Variants in PHLDB2 observed in about 807,000 individuals in gnomAD.
PHLDB2 encodes pleckstrin homology like domain family B member 2, also known as pleckstrin homology-like domain family B member 2.
In PHLDB2, 71 loss-of-function variants were observed where a neutral mutation model predicts 123.6. The ratio of observed to expected loss-of-function variants is 0.57; its 90% CI spans 0.47 to 0.70. The LOEUF (loss-of-function observed/expected upper bound fraction) is 0.70. PHLDB2 is among the 30% of genes least tolerant of loss of function. The pLI is 0.00. For synonymous variants in PHLDB2, 547 were observed against 541.6 expected (o/e 1.01, Z -0.14); for missense variants, 1,446 against 1,519.5 (o/e 0.95, Z 0.80).
At chr3:111,888,118 T>G (rs1386393673) in intron 2 of PHLDB2, among the ~76,000 whole-genome samples, 1 of 152,086 alleles carries the variant, frequency 6.6e-6, no homozygotes, top group African/African-American at 2.4e-5. Flanking sequence ...TCAGGGTCTT[T>G]GTGTAAAGTA....
chr3:111,931,055 T>A lies in PHLDB2; in HGVS notation c.2002-1214T>A, dbSNP rs185608566. On this transcript the variant is annotated intron_variant, in intron 5 of 17. Coordinates refer to ENST00000431670, the MANE Select transcript of PHLDB2 (RefSeq NM_001134438.2). ...GGAAATCATGGCCATTTTGATAAAA[T>A]GTAGTAAGGATAATGTCATAGGACT... is the stretch of plus-strand genomic sequence containing the variant. Among the ~76,000 whole-genome samples the A allele has an allele frequency of 2.0e-3, 305 of 152,292 alleles. 3 individuals are homozygous for A. The highest frequency in any genetic ancestry group is 6.4e-3 in the African/African-American group (267 of 41,550).
chr3:111,757,136 C>T (rs1431075430), intron 1 of PHLDB2, among the ~76,000 whole-genome samples: 1 of 152,120 alleles, frequency 6.6e-6, no homozygotes, highest in African/African-American at 2.4e-5. Context: ...CTTGGAGTTG[C>T]TCTTCTCGAG....
intron 2 of PHLDB2, among the ~76,000 whole-genome samples, chr3:111,907,539 C>A (rs775391253): frequency 6.6e-6 from 1 of 152,048 alleles, no homozygotes; most frequent in Non-Finnish European, 1.5e-5. Flanking sequence ...CTTTGTTGCC[C>A]AAGTTGGAGT....
intron 1 of PHLDB2, among the ~76,000 whole-genome samples, chr3:111,867,612 A>G (rs925971052): frequency 5.3e-5 from 8 of 152,212 alleles, no homozygotes; most frequent in African/African-American, 1.9e-4. Flanking sequence ...TTTTTAAGAT[A>G]TATCATCATC....
chr3:111,876,689 T>C (rs982672618), intron 1 of PHLDB2, among the ~76,000 whole-genome samples: 1 of 152,088 alleles, frequency 6.6e-6, no homozygotes, highest in Non-Finnish European at 1.5e-5. Flanking sequence ...TCATCTACAT[T>C]AAGTATTTCT....
intron 1 of PHLDB2, among the ~76,000 whole-genome samples, chr3:111,788,447 A>G (rs891347825): frequency 6.6e-6 from 1 of 152,220 alleles, no homozygotes; most frequent in African/African-American, 2.4e-5. Context: ...AGGAGAAAGC[A>G]TGTGTCAATA....
chr3:111,891,353 C>G (rs927394683), intron 2 of PHLDB2, among the ~76,000 whole-genome samples: 1 of 152,084 alleles, frequency 6.6e-6, no homozygotes, highest in Non-Finnish European at 1.5e-5. Context: ...CAACTCCTGT[C>G]AGATCAGTGG....
At chr3:111,790,041 C>G (rs1394594894) in intron 1 of PHLDB2, among the ~76,000 whole-genome samples, 1 of 152,186 alleles carries the variant, frequency 6.6e-6, no homozygotes, top group Admixed American at 6.5e-5. Context: ...AGGAGCCTGA[C>G]TGGGGGCAGG....
At chr3:111,946,401 CAAAA>C (rs1008999976) in intron 9 of PHLDB2, among the ~76,000 whole-genome samples, 2 of 151,598 alleles carry the variant, frequency 1.3e-5, no homozygotes, top group African/African-American at 4.8e-5. Context: ...TTTGCACAAT[CAAAA>C]AAAACCCTTT....
At chr3:111,870,919 CCAAG>C (rs2065307488) in intron 1 of PHLDB2, among the ~76,000 whole-genome samples, 3 of 152,198 alleles carry the variant, frequency 2.0e-5, no homozygotes, top group African/African-American at 7.2e-5. Context: ...AATGCGGACT[CCAAG>C]TCAGCGTCTC....
intron 1 of PHLDB2, among the ~76,000 whole-genome samples, chr3:111,871,694 G>A (rs1435725411): frequency 6.6e-6 from 1 of 151,994 alleles, no homozygotes; most frequent in Admixed American, 6.6e-5. Context: ...TTGTTTCTTC[G>A]GTGTGTTTTC....
At chr3:111,857,453 A>G (rs1315342483), upstream of PHLDB2, among the ~76,000 whole-genome samples, 1 of 68,100 alleles carries the variant, frequency 1.5e-5, no homozygotes, top group African/African-American at 3.6e-5. Flanking sequence ...CCTGTCTCAA[A>G]AAAAAAAAAA....
chr3:111,935,507 A>ATAGC (rs902788108), intron 6 of PHLDB2, among the ~76,000 whole-genome samples: 1 of 119,042 alleles, frequency 8.4e-6, no homozygotes, highest in Non-Finnish European at 2.1e-5. Context: ...TATAAGATAG[A>ATAGC]TAGATAGATA....
intron 1 of PHLDB2, among the ~76,000 whole-genome samples, chr3:111,862,963 G>A (rs1164734025): frequency 6.6e-6 from 1 of 152,116 alleles, no homozygotes; most frequent in East Asian, 1.9e-4. Flanking sequence ...GTACAACCCA[G>A]GAGTTAAAAA....
intron 1 of PHLDB2, among the ~76,000 whole-genome samples, chr3:111,826,585 C>T (rs551773649): frequency 7.9e-5 from 12 of 152,182 alleles, no homozygotes; most frequent in Admixed American, 1.3e-4. Context: ...TTGAACCCTA[C>T]ATTTTCTATC....
At chr3:111,753,032 T>A (rs1456325354) in intron 1 of PHLDB2, among the ~76,000 whole-genome samples, 3 of 152,244 alleles carry the variant, frequency 2.0e-5, no homozygotes, top group Admixed American at 1.3e-4. Context: ...CCAAGTTTTC[T>A]TAATCCACTC....
chr3:111,972,266 G>T (rs1412565428), intron 16 of PHLDB2, among the ~76,000 whole-genome samples: 2 of 152,012 alleles, frequency 1.3e-5, no homozygotes, highest in African/African-American at 2.4e-5. Flanking sequence ...AAACTTAACT[G>T]AACATGGTAT....
chr3:111,780,762 C>T lies in PHLDB2; in HGVS notation c.-49+48059C>T, dbSNP rs188546920. ...TATGGCAGACTTGCAGCTTTGATGT[C>T]CCCGTGGATAGACCCAAATGCATCA... On this transcript the variant is annotated intron_variant, in intron 1 of 17. Transcript: ENST00000393923. Among the ~76,000 whole-genome samples the T allele has an allele frequency of 5.1e-3, 781 of 152,094 alleles. 5 individuals are homozygous for T. The highest frequency in any genetic ancestry group is 0.01 in the Middle Eastern group (3 of 294).
At position 111,814,468 on chromosome 3, in the gene PHLDB2, G is replaced by A. The variant is rs2061981209; in HGVS notation, c.-48-31353G>A. On this transcript the variant is annotated intron_variant, in intron 1 of 17. Transcript: ENST00000393923. Reference sequence around the variant, plus strand: ...ATTGTGAGACTTTGTGATCATGTAAGTTAATACTTAATAAACTCTCCTTTA... The same window carrying A: ...ATTGTGAGACTTTGTGATCATGTAAATTAATACTTAATAAACTCTCCTTTA... Among the ~76,000 whole-genome samples the A allele has an allele frequency of 2.0e-5, 3 of 152,022 alleles. No individual in the cohort carries two copies. In the South Asian group the frequency reaches 6.2e-4, roughly 32 times the overall value.
Sources: allele counts gnomAD v4.1 joint callset (sites outside exome capture counted in the v4.1 genomes callset), GRCh38; gene constraint gnomAD v4.1.1; transcripts MANE v1.5; gene names NCBI Gene and HGNC (gene_info 2026-07-23, HGNC 2026-07-21).